The following WLS variants were observed in gnomAD, a reference collection of about 807,000 sequenced individuals.
The protein encoded by WLS is Wnt ligand secretion mediator.
Under a neutral mutation model 62.8 loss-of-function variants are expected in WLS, and 23 were observed. That is an observed-to-expected ratio of 0.37 (90% CI 0.26 to 0.52). WLS has a LOEUF of 0.52. Among genes scored for constraint, WLS ranks in the 20% least tolerant of loss-of-function variants. The probability of loss-of-function intolerance (pLI) is 0.92; values close to 1 mark genes in which losing one functional copy is unlikely to be tolerated. For synonymous variants in WLS, 246 were observed against 244.1 expected, an observed-to-expected ratio of 1.01 and a Z score of -0.07; for missense variants, 615 against 697.3, an observed-to-expected ratio of 0.88 and a Z score of 1.33.
At chr1:68,224,469 G>A (rs1016071580) in intron 1 of WLS, among the ~76,000 whole-genome samples, 1 of 152,040 alleles carries the variant, frequency 6.6e-6, no homozygotes, top group Non-Finnish European at 1.5e-5. Flanking sequence ...CAGGACCTAC[G>A]ATGTATGCTA....
At chr1:68,137,579 A>G (rs1646628677) in intron 11 of WLS, among the ~76,000 whole-genome samples, 3 of 152,216 alleles carry the variant, frequency 2.0e-5, no homozygotes, top group Admixed American at 2.0e-4. Flanking sequence ...AAAAATGAGG[A>G]CTTAAAGAAA....
At chr1:68,221,207 T>C (rs1036522502) in intron 1 of WLS, among the ~76,000 whole-genome samples, 5 of 152,212 alleles carry the variant, frequency 3.3e-5, no homozygotes, top group African/African-American at 1.2e-4. Context: ...AGGGATTTAA[T>C]ACTGGCATGC....
At chr1:68,194,266 T>C (rs755654462) in intron 1 of WLS, 39 bp from the exon 2 acceptor site, 2 of 1,602,666 alleles carry the variant, frequency 1.2e-6, no homozygotes, top group Non-Finnish European at 1.7e-6. Context: ...AAAAGCCATC[T>C]ATTGAAACTA....
Position 68,193,777 on chromosome 1 carries a change from T to C in WLS, c.379+178A>G, listed in dbSNP as rs957865724. On this transcript the variant is annotated intron_variant, in intron 2 of 11. Coordinates refer to ENST00000262348, the MANE Select transcript of WLS (RefSeq NM_024911.7). ...AATAATAAGACTACCTCAAGGAACC[T>C]GGTGGGAAGATTAAATGGGTTAATA... is the stretch of plus-strand genomic sequence containing the variant. 3.0e-5 allele frequency: 23 copies of C among 766,750 alleles called. No homozygotes were observed. The African/African-American group carries it at 4.1e-4, about 14-fold the overall frequency. The allele number at this position is 766,750 out of a possible 1,614,324, so 47.5% of individuals were successfully genotyped here. A position where few individuals can be genotyped will look rare whatever the true frequency, so the allele number is the denominator to read the frequency against.
chr1:68,228,842 CAAAAAAAAAA>C (rs66626696), intron 1 of WLS, among the ~76,000 whole-genome samples: 1,071 of 58,036 alleles, frequency 0.018, 12 homozygotes, highest in African/African-American at 0.076. Flanking sequence ...ACACTGGTGC[CAAAAAAAAAA>C]AAAAAAAAAA....
At chr1:68,114,440 G>A (rs1646265644) in intron 11 of WLS, among the ~76,000 whole-genome samples, 1 of 152,050 alleles carries the variant, frequency 6.6e-6, no homozygotes, top group Admixed American at 6.6e-5. Context: ...GATGATGATG[G>A]CAAAGACAAT....
At chr1:68,104,539 A>C (rs1175217896) in intron 11 of WLS, among the ~76,000 whole-genome samples, 4 of 152,188 alleles carry the variant, frequency 2.6e-5, no homozygotes, top group Non-Finnish European at 5.9e-5. Flanking sequence ...TATTGGGACT[A>C]TGGGTGTCCA....
intron 2 of WLS, among the ~76,000 whole-genome samples, chr1:68,170,252 G>A (rs748574289): frequency 2.1e-5 from 3 of 140,890 alleles, no homozygotes; most frequent in Non-Finnish European, 3.0e-5. Context: ...TGCAACCTTC[G>A]CCTCCTGGGT....
At chr1:68,227,165 A>C (rs766099182) in intron 1 of WLS, among the ~76,000 whole-genome samples, 23 of 152,162 alleles carry the variant, frequency 1.5e-4, no homozygotes, top group Non-Finnish European at 3.2e-4. Flanking sequence ...AGGCCGAGGC[A>C]GGTGGATCTC....
At chr1:68,193,086 G>A (rs1648426949) in intron 2 of WLS, among the ~76,000 whole-genome samples, 1 of 151,316 alleles carries the variant, frequency 6.6e-6, no homozygotes, top group Non-Finnish European at 1.5e-5. Flanking sequence ...TCCAGCCTGG[G>A]CAACAAGAGC....
At chr1:68,228,272 A>C (rs1328036421) in intron 1 of WLS, 1 of 443,438 alleles carries the variant, frequency 2.3e-6, no homozygotes, top group Non-Finnish European at 4.5e-6. Context: ...ACAATGCAAC[A>C]ATTTTCTATT....
At chr1:68,211,317 GAAA>G (rs34980541) in intron 1 of WLS, among the ~76,000 whole-genome samples, 4 of 132,608 alleles carry the variant, frequency 3.0e-5, no homozygotes, top group African/African-American at 6.0e-5. Flanking sequence ...CTTTGTAAAA[GAAA>G]AAAAAAAAAA....
intron 2 of WLS, chr1:68,183,420 T>A (rs141794802): frequency 0.011 from 3,750 of 328,690 alleles, 47 homozygotes; most frequent in Non-Finnish European, 0.015. Context: ...GCCTGTTCCA[T>A]CATAGCAGGG....
intron 1 of WLS, among the ~76,000 whole-genome samples, chr1:68,203,949 C>T (rs2772292): frequency 0.024 from 3,690 of 152,262 alleles, 165 homozygotes; most frequent in African/African-American, 0.084. Context: ...AGTCTCCTAT[C>T]CATGCATATG....
rs760671910 is a variant in WLS at position 68,232,196 on chromosome 1, A to G, written c.104T>C (p.Ile35Thr). The change falls in exon 1 of 12, where the codon ATT becomes ACT. Residue 35 changes from isoleucine to threonine, a missense_variant and splice_region_variant. Coordinates refer to ENST00000262348, the MANE Select transcript of WLS (RefSeq NM_024911.7). ...QIIAFLVGGL[I>T]APGPTTAVSY... ...AGTTTGCAGCTCTCCGCACTTACCA[A>G]TCAAGCCTCCCACCAGAAAGGCGAT... is the stretch of plus-strand genomic sequence containing the variant. The G allele has an allele frequency of 1.1e-5, 17 of 1,614,074 alleles. No homozygotes were observed. Among genetic ancestry groups the G allele is most frequent in the South Asian group, 9.9e-5 (9 of 91,072 alleles).
chr1:68,198,417 G>A (rs978411630), intron 1 of WLS, among the ~76,000 whole-genome samples: 6 of 152,154 alleles, frequency 3.9e-5, no homozygotes, highest in African/African-American at 1.4e-4. Context: ...TTCCACTACA[G>A]CACATGAATT....
intron 1 of WLS, among the ~76,000 whole-genome samples, chr1:68,216,008 G>A (rs1649713424): frequency 6.6e-6 from 1 of 152,182 alleles, no homozygotes; most frequent in Non-Finnish European, 1.5e-5. Context: ...TATGTAAAGA[G>A]AGAATCAACA....
At chr1:68,211,956 G>C (rs1284514608) in intron 1 of WLS, among the ~76,000 whole-genome samples, 2 of 152,102 alleles carry the variant, frequency 1.3e-5, no homozygotes, top group African/African-American at 4.8e-5. Context: ...TGAGACAGAG[G>C]ACAAAATAGT....
chr1:68,105,656 C>G (rs1248836542), intron 11 of WLS, among the ~76,000 whole-genome samples: 4 of 152,288 alleles, frequency 2.6e-5, no homozygotes, highest in Admixed American at 6.5e-5. Flanking sequence ...AAGAAACTAC[C>G]TACCACGTAT....
Sources: allele counts gnomAD v4.1 joint callset (sites outside exome capture counted in the v4.1 genomes callset), GRCh38; gene constraint gnomAD v4.1.1; transcripts MANE v1.5; gene names NCBI Gene and HGNC (gene_info 2026-07-23, HGNC 2026-07-21).